The following MSH6 variants were observed in gnomAD, a reference collection of about 807,000 sequenced individuals.
MSH6 encodes DNA mismatch repair protein Msh6.
In MSH6, 85 loss-of-function variants were observed where a neutral mutation model predicts 119.1. The ratio of observed to expected loss-of-function variants is 0.71; its 90% confidence interval spans 0.60 to 0.85. MSH6 has a LOEUF of 0.85. Ranked by LOEUF, MSH6 falls within the 40% of genes least tolerant of loss-of-function variation. The probability of loss-of-function intolerance (pLI) is 0.00; values close to 1 mark genes in which losing one functional copy is unlikely to be tolerated. For synonymous variants in MSH6, 830 were observed against 586.9 expected (o/e 1.41, Z -5.99); for missense variants, 2,163 against 1,655.3 (o/e 1.31, Z -5.32).
chr2:47,808,079 G>A, downstream of MSH6: 1 of 1,542,444 alleles, frequency 6.5e-7, no homozygotes, highest in Non-Finnish European at 8.8e-7. Flanking sequence ...TTTAAGTTAT[G>A]ATGTTACAAT....
intron 1 of MSH6, among the ~76,000 whole-genome samples, chr2:47,790,290 G>T (rs1668647474): frequency 6.6e-6 from 1 of 152,140 alleles, no homozygotes; most frequent in East Asian, 1.9e-4. Context: ...CAGGTGTGAT[G>T]GCGTGTGCCT....
downstream of MSH6, chr2:47,808,494 T>G (rs1206864539): frequency 1.8e-6 from 2 of 1,121,662 alleles, no homozygotes; most frequent in Non-Finnish European, 2.5e-6. Context: ...CCATTCTGTT[T>G]ATATATTACT....
rs953588643 is a variant in MSH6, at chr2:47,798,338, G to A, written c.628-273G>A. ...ACGTGTTTAATACACCTACCCCACCGAATATTGTAGCTTGGGCGTAGCCTA... is the reference window on the plus strand; with the variant it reads ...ACGTGTTTAATACACCTACCCCACCAAATATTGTAGCTTGGGCGTAGCCTA... On this transcript the variant is annotated intron_variant, in intron 3 of 9. Transcript: ENST00000234420. Among the ~76,000 whole-genome samples the A allele has an allele frequency of 2.0e-5, 3 of 152,178 alleles. No individual in the cohort carries two copies. In the South Asian group the frequency reaches 6.2e-4, roughly 32 times the overall value.
At chr2:47,809,716 A>G, downstream of MSH6, 1 of 1,585,092 alleles carries the variant, frequency 6.3e-7, no homozygotes, top group Non-Finnish European at 8.7e-7. Flanking sequence ...ACCTGAAGTA[A>G]AATTTACAAA....
intron 3 of MSH6, among the ~76,000 whole-genome samples, chr2:47,796,822 G>T (rs1048999769): frequency 6.6e-6 from 1 of 152,124 alleles, no homozygotes; most frequent in Non-Finnish European, 1.5e-5. Flanking sequence ...TTAGCTGGGC[G>T]TGGTGGCACA....
chr2:47,788,934 T>TTTTTTTTTTTTTTTTTTTTTTTTTG (rs1668554089), intron 1 of MSH6, among the ~76,000 whole-genome samples: 2 of 99,650 alleles, frequency 2.0e-5, no homozygotes, highest in Non-Finnish European at 3.9e-5. Context: ...TTTTTTTTTT[T>TTTTTTTTTTTTTTTTTTTTTTTTTG]TTTTTTTTTT....
In MSH6 at chr2:47,801,355, T is replaced by C. The variant is rs1454561122; in HGVS notation, c.3172+200T>C. 11 of 408,340 alleles carry C rather than the reference T, an allele frequency of 2.7e-5. 1 individual carries two copies. The highest frequency in any genetic ancestry group is 3.7e-5 in the South Asian group (1 of 27,348). The allele number at this position is 408,340 out of a possible 1,614,324, so 25.3% of individuals were successfully genotyped here. A position where few individuals can be genotyped will look rare whatever the true frequency, so the allele number is the denominator to read the frequency against. Reference sequence around the variant, plus strand: ...TTTATCTTAGTAGCCCTTTGGCCTTTCTTCAGTTTTTTTTTTTTTTTTTTT... The same window carrying C: ...TTTATCTTAGTAGCCCTTTGGCCTTCCTTCAGTTTTTTTTTTTTTTTTTTT... On this transcript the variant is annotated intron_variant, in intron 4 of 9. Coordinates refer to ENST00000234420, the MANE Select transcript of MSH6 (RefSeq NM_000179.3).
intron 1 of MSH6, among the ~76,000 whole-genome samples, chr2:47,785,353 G>T (rs936358484): frequency 2.0e-5 from 3 of 151,966 alleles, no homozygotes. Context: ...TCAGCTTCCC[G>T]AGTAGCTGGG....
chr2:47,803,487 G>T lies in MSH6; in HGVS notation c.3240G>T (p.Leu1080=), dbSNP rs1114167739. 1.2e-6 allele frequency: 2 copies of T among 1,613,914 alleles called. No homozygotes were observed. The highest frequency in any genetic ancestry group is 2.7e-5 in the African/African-American group (2 of 74,850). Reference sequence around the variant, plus strand: ...GTCCTATGTGTCGCCCAGTAATTCTGTTGCCGGAAGATACCCCCCCCTTCT... The same window carrying T: ...GTCCTATGTGTCGCCCAGTAATTCTTTTGCCGGAAGATACCCCCCCCTTCT... ...GDGPMCRPVI[L]LPEDTPPFLE... The change falls in exon 5 of 10, where the codon CTG becomes CTT. Residue 1080 remains leucine, a synonymous_variant. Coordinates refer to ENST00000234420, the MANE Select transcript of MSH6 (RefSeq NM_000179.3).
chr2:47,799,937 G>A lies in MSH6; in HGVS notation c.1954G>A (p.Gly652Arg), dbSNP rs1553413323. The change falls in exon 4 of 10, where the codon GGG becomes AGG. Residue 652 changes from glycine to arginine, a missense_variant. By Grantham distance (125) the Gly-to-Arg change is moderately radical. Transcript: ENST00000234420. ...TAGGGAAAAGCTAAGTGATGGCATTGGGGTGATGTTACCCCAGGTGCTTAA... is the reference window on the plus strand; with the variant it reads ...TAGGGAAAAGCTAAGTGATGGCATTAGGGTGATGTTACCCCAGGTGCTTAA... The part of the protein sequence containing the change: ...YFREKLSDGI[G>R]VMLPQVLKGM... 1 of 1,614,144 alleles carries A rather than the reference G, an allele frequency of 6.2e-7. No individual in the cohort carries two copies. The highest frequency in any genetic ancestry group is 8.5e-7 in the Non-Finnish European group (1 of 1,180,028).
Position 47,798,658 on chromosome 2 carries a change from TGA to T in MSH6, c.679_680del (p.Ser227Ter), listed in dbSNP as rs1460246967. The T allele has an allele frequency of 6.2e-7, 1 of 1,613,284 alleles. No individual in the cohort carries two copies. Among genetic ancestry groups the T allele is most frequent in the Non-Finnish European group, 8.5e-7 (1 of 1,179,978 alleles). On this transcript the variant is annotated frameshift_variant, in exon 4 of 10. Transcript: ENST00000234420. LOFTEE classifies it high-confidence loss of function. ...ATAAGAGTGAAGAAGATAATGAAATTGAGAGTGAAGAGGAAGTACAGCCTAAG... is the reference window on the plus strand; with the variant it reads ...ATAAGAGTGAAGAAGATAATGAAATTGAGTGAAGAGGAAGTACAGCCTAAG... The part of the protein sequence containing the change: ...TDKSEEDNEI[E>X]SEEEVQPKTQ...
chr2:47,796,194 C>T (rs894549314), intron 3 of MSH6, 131 bp downstream of exon 3: 2 of 934,716 alleles, frequency 2.1e-6, no homozygotes, highest in Non-Finnish European at 1.7e-6. Flanking sequence ...TACATACATG[C>T]ATACTTCTGT....
intron 1 of MSH6, chr2:47,789,373 A>C: frequency 2.4e-6 from 1 of 421,114 alleles, no homozygotes; most frequent in South Asian, 1.8e-5. Flanking sequence ...ATTTATTTCA[A>C]AACTGATAAT....
At position 47,806,870 on chromosome 2, in the gene MSH6, A is replaced by G. The variant is rs757778351; in HGVS notation, c.*10A>G. 6.3e-7 allele frequency: 1 copy of G among 1,599,186 alleles called. No homozygotes were observed. The highest frequency in any genetic ancestry group is 8.6e-7 in the Non-Finnish European group (1 of 1,167,036). On this transcript the variant is annotated 3_prime_UTR_variant, in exon 10 of 10. Transcript: ENST00000234420. ...GATTAAGGAATTATAGACTGACTAC[A>G]TTGGAAGCTTTGAGTTGACTTCTGA...
rs1211156742 is a variant in MSH6 at position 47,793,331 on chromosome 2, A to G, written c.457+2208A>G. Among the ~76,000 whole-genome samples the G allele has an allele frequency of 3.1e-5, 4 of 130,834 alleles. 1 individual carries two copies. The East Asian group carries it at 7.9e-4, about 26-fold the overall frequency. The allele number at this position is 130,834 out of a possible 152,430, so 85.8% of individuals were successfully genotyped here. A position where few individuals can be genotyped will look rare whatever the true frequency, so the allele number is the denominator to read the frequency against. On this transcript the variant is annotated intron_variant, in intron 2 of 9. Coordinates refer to ENST00000234420, the MANE Select transcript of MSH6 (RefSeq NM_000179.3). Reference sequence around the variant, plus strand: ...GCGAGACTGTCTCAAAAAAAAAAAAAAAAAAAAAAAAAAAAAGGCTGGGCA... The same window carrying G: ...GCGAGACTGTCTCAAAAAAAAAAAAGAAAAAAAAAAAAAAAAGGCTGGGCA...
chr2:47,808,886 A>G (rs138675156), downstream of MSH6: 219 of 318,550 alleles, frequency 6.9e-4, no homozygotes, highest in East Asian at 4.7e-3. Flanking sequence ...TTGTAGAGAC[A>G]GGGTCTCCCT....
At position 47,805,641 on chromosome 2, in the gene MSH6, T is replaced by C. The variant is rs1114167787; in HGVS notation, c.3580T>C (p.Leu1194=). The C allele has an allele frequency of 6.2e-7, 1 of 1,613,348 alleles. No homozygotes were observed. The change falls in exon 7 of 10, where the codon TTA becomes CTA. Residue 1194 remains leucine, a synonymous_variant. Coordinates refer to ENST00000234420, the MANE Select transcript of MSH6 (RefSeq NM_000179.3). ...MSGESTFFVE[L]SETASILMHA... ...AGGTGAAAGTACATTTTTTGTTGAA[T>C]TAAGTGAAACTGCCAGCATACTCAT...
chr2:47,803,560 G>A lies in MSH6; in HGVS notation c.3313G>A (p.Gly1105Arg), dbSNP rs755716475. 3.7e-6 allele frequency: 6 copies of A among 1,613,944 alleles called. 1 individual carries two copies. The highest frequency in any genetic ancestry group is 5.1e-6 in the Non-Finnish European group (6 of 1,180,036). Residue 1105 changes from glycine (G) to arginine (R), a missense_variant, in exon 5 of 10, where the codon GGA (glycine) becomes AGA (arginine). Transcript: ENST00000234420. ...TCCTTGCATTACGAAGACTTTTTTT[G>A]GAGATGATTTTATTCCTAATGACAT... is the stretch of plus-strand genomic sequence containing the variant. ...RHPCITKTFF[G>R]DDFIPNDILI...
At chr2:47,809,369 G>A (rs530309622), downstream of MSH6, 42 of 779,024 alleles carry the variant, frequency 5.4e-5, 1 homozygote, top group Non-Finnish European at 7.3e-5. Flanking sequence ...ATTTTTAAGA[G>A]CTTTAAATGA....
Sources: gnomAD v4.1 joint callset for allele counts (sites outside exome capture counted in the v4.1 genomes callset) on GRCh38, gnomAD v4.1.1 for gene constraint, MANE v1.5 for transcripts, NCBI Gene and HGNC (gene_info 2026-07-23, HGNC 2026-07-21) for gene names.